Variants in ERBB4 observed in about 807,000 individuals in gnomAD.
ERBB4 encodes erb-b2 receptor tyrosine kinase 4.
ERBB4 carries 42 observed loss-of-function variants against 158.0 expected under a neutral mutation model. The observed-to-expected ratio is 0.27, with a 90% CI of 0.21 to 0.34. The LOEUF (loss-of-function observed/expected upper bound fraction) is 0.34, where lower values mean the gene tolerates loss of function less well. Among genes scored for constraint, ERBB4 ranks in the 10% least tolerant of loss-of-function variants. The pLI, the probability that ERBB4 is intolerant of heterozygous loss-of-function variation, is 1.00. For synonymous variants in ERBB4, 583 were observed against 558.7 expected (o/e 1.04, Z -0.61); for missense variants, 1,333 against 1,624.1 (o/e 0.82, Z 3.08).
intron 3 of ERBB4, among the ~76,000 whole-genome samples, chr2:211,874,774 G>A (rs993907056): frequency 1.3e-5 from 2 of 152,074 alleles, no homozygotes; most frequent in African/African-American, 4.8e-5. Context: ...TGTAGATGAG[G>A]CATTTGTTTT....
chr2:212,237,563 C>A (rs1197437959), intron 1 of ERBB4, among the ~76,000 whole-genome samples: 1 of 152,104 alleles, frequency 6.6e-6, no homozygotes, highest in Non-Finnish European at 1.5e-5. Flanking sequence ...GGGTCAGGGA[C>A]CCACTGAGGA....
At chr2:211,701,549 A>G (rs781372288) in intron 12 of ERBB4, among the ~76,000 whole-genome samples, 3 of 151,648 alleles carry the variant, frequency 2.0e-5, no homozygotes, top group Non-Finnish European at 2.9e-5. Context: ...GAGGTCAGGA[A>G]ATCGGGACCA....
At chr2:212,350,041 C>G (rs1411171497) in intron 1 of ERBB4, among the ~76,000 whole-genome samples, 3 of 151,950 alleles carry the variant, frequency 2.0e-5, no homozygotes, top group Non-Finnish European at 4.4e-5. Flanking sequence ...ATTTTAAAAT[C>G]AATGCTTAAA....
intron 2 of ERBB4, among the ~76,000 whole-genome samples, chr2:212,086,950 C>T (rs1437588272): frequency 2.6e-5 from 4 of 152,100 alleles, no homozygotes; most frequent in Admixed American, 6.6e-5. Flanking sequence ...CCAACAGTTT[C>T]GAATAGAGCC....
At chr2:211,992,176 T>A (rs914276681) in intron 2 of ERBB4, among the ~76,000 whole-genome samples, 1 of 152,090 alleles carries the variant, frequency 6.6e-6, no homozygotes, top group Non-Finnish European at 1.5e-5. Context: ...CCAACTAATG[T>A]CTTTTCATCA....
intron 3 of ERBB4, among the ~76,000 whole-genome samples, chr2:211,883,885 A>C (rs1176995214): frequency 3.3e-5 from 5 of 152,136 alleles, no homozygotes; most frequent in African/African-American, 1.2e-4. Flanking sequence ...TTATAGAAAA[A>C]CTCAATGGTG....
chr2:211,875,255 C>A (rs568481550), intron 3 of ERBB4, among the ~76,000 whole-genome samples: 1 of 151,852 alleles, frequency 6.6e-6, no homozygotes, highest in Non-Finnish European at 1.5e-5. Context: ...ACTACAGAGG[C>A]CATTTAATTA....
At chr2:212,059,365 C>T (rs1310509343) in intron 2 of ERBB4, among the ~76,000 whole-genome samples, 1 of 152,126 alleles carries the variant, frequency 6.6e-6, no homozygotes, top group Non-Finnish European at 1.5e-5. Context: ...GGCCATATTG[C>T]CCAAGGTAAT....
chr2:211,626,274 C>A (rs1225708568), intron 17 of ERBB4, among the ~76,000 whole-genome samples: 2 of 152,104 alleles, frequency 1.3e-5, no homozygotes, highest in Non-Finnish European at 2.9e-5. Context: ...AAGCATCAAG[C>A]TTACAGTGCA....
At chr2:211,774,748 A>G (rs2075829782) in intron 4 of ERBB4, among the ~76,000 whole-genome samples, 1 of 152,202 alleles carries the variant, frequency 6.6e-6, no homozygotes, top group Non-Finnish European at 1.5e-5. Flanking sequence ...TCCTTAGAGT[A>G]TGACTGTGTT....
intron 25 of ERBB4, among the ~76,000 whole-genome samples, chr2:211,416,583 G>T (rs974044824): frequency 6.6e-6 from 1 of 152,140 alleles, no homozygotes; most frequent in Non-Finnish European, 1.5e-5. Context: ...AAGTCAGATT[G>T]CTATCTCTAG....
chr2:211,625,418 T>C (rs1465819336), intron 17 of ERBB4, among the ~76,000 whole-genome samples: 1 of 152,112 alleles, frequency 6.6e-6, no homozygotes, highest in Non-Finnish European at 1.5e-5. Flanking sequence ...AGATTCTTGA[T>C]TGAAGGTAAA....
chr2:211,714,343 A>C (rs947787886), intron 7 of ERBB4, among the ~76,000 whole-genome samples: 3 of 152,196 alleles, frequency 2.0e-5, no homozygotes, highest in Admixed American at 1.3e-4. Context: ...AATACCTGCT[A>C]GGCCACTCTG....
At chr2:211,481,556 T>A (rs1292073700) in intron 20 of ERBB4, among the ~76,000 whole-genome samples, 2 of 150,980 alleles carry the variant, frequency 1.3e-5, no homozygotes, top group African/African-American at 4.9e-5. Flanking sequence ...CAAACCAATA[T>A]CTACTCTCTG....
chr2:211,935,670 T>C (rs983980389), intron 3 of ERBB4, among the ~76,000 whole-genome samples: 3 of 152,076 alleles, frequency 2.0e-5, no homozygotes, highest in African/African-American at 7.2e-5. Context: ...CTTCAGCTTA[T>C]AGGCAGCCTG....
At chr2:212,232,625 G>T (rs989874296) in intron 1 of ERBB4, among the ~76,000 whole-genome samples, 1 of 152,214 alleles carries the variant, frequency 6.6e-6, no homozygotes, top group East Asian at 1.9e-4. Flanking sequence ...AGCCAGGATG[G>T]TCTCCATCTC....
chr2:211,479,540 G>T (rs2065032996), intron 20 of ERBB4, among the ~76,000 whole-genome samples: 1 of 152,084 alleles, frequency 6.6e-6, no homozygotes, highest in Non-Finnish European at 1.5e-5. Context: ...ACAAAGCATG[G>T]TGTCTTATGT....
At chr2:211,819,161 A>G (rs1187606662) in intron 3 of ERBB4, among the ~76,000 whole-genome samples, 4 of 152,002 alleles carry the variant, frequency 2.6e-5, no homozygotes, top group African/African-American at 9.7e-5. Context: ...AGATAAAATC[A>G]TTTTTTGCAT....
chr2:211,973,955 T>A (rs1054843460), intron 2 of ERBB4, among the ~76,000 whole-genome samples: 1 of 152,142 alleles, frequency 6.6e-6, no homozygotes, highest in Admixed American at 6.5e-5. Context: ...CTGGAAGCTA[T>A]CATCCTCAGC....
Sources: gnomAD v4.1 joint callset for allele counts (sites outside exome capture counted in the v4.1 genomes callset) on GRCh38, gnomAD v4.1.1 for gene constraint, MANE v1.5 for transcripts, NCBI Gene and HGNC (gene_info 2026-07-23, HGNC 2026-07-21) for gene names.